PCNX2: variants seen among roughly 807,000 people sequenced by gnomAD.
PCNX2 encodes the protein pecanex 2.
A neutral mutation model predicts 223.8 loss-of-function variants in PCNX2; 168 were observed. That is an observed-to-expected ratio of 0.75 (90% CI 0.66 to 0.85). The LOEUF (loss-of-function observed/expected upper bound fraction) is 0.85, where lower values mean the gene tolerates loss of function less well. PCNX2 is among the 40% of genes least tolerant of loss of function. The pLI, the probability that PCNX2 is intolerant of heterozygous loss-of-function variation, is 0.00. For missense variants in PCNX2, 2,507 were observed against 2,675.5 expected (o/e 0.94, Z 1.39); for synonymous variants, 1,006 against 1,052.6 (o/e 0.96, Z 0.86).
chr1:232,985,889 C>T, intron 33 of PCNX2: 1 of 642,784 alleles, frequency 1.6e-6, no homozygotes, highest in Non-Finnish European at 2.8e-6. Flanking sequence ...TACAGGATAT[C>T]TGCTCTGTAT....
intron 21 of PCNX2, among the ~76,000 whole-genome samples, chr1:233,120,841 AT>A (rs1675738573): frequency 6.6e-6 from 1 of 152,178 alleles, no homozygotes; most frequent in African/African-American, 2.4e-5. Flanking sequence ...AGATTAAAAA[AT>A]AAAAGAAACA....
At chr1:233,170,796 G>A (rs1228756253) in intron 17 of PCNX2, among the ~76,000 whole-genome samples, 2 of 151,992 alleles carry the variant, frequency 1.3e-5, no homozygotes, top group African/African-American at 4.8e-5. Flanking sequence ...CTATTTTTTA[G>A]TTTTCCGTTT....
At chr1:233,213,886 T>G (rs1225019964) in intron 12 of PCNX2, among the ~76,000 whole-genome samples, 1 of 134,016 alleles carries the variant, frequency 7.5e-6, no homozygotes, top group Non-Finnish European at 1.5e-5. Flanking sequence ...TGGAGTGTAG[T>G]GGCGCGATCT....
intron 15 of PCNX2, among the ~76,000 whole-genome samples, chr1:233,187,231 C>T (rs1027350599): frequency 3.9e-5 from 6 of 152,174 alleles, no homozygotes; most frequent in African/African-American, 1.4e-4. Context: ...AATGAGGAAA[C>T]AGGCTTTTAC....
chr1:233,084,246 G>A (rs1221757878), intron 23 of PCNX2, among the ~76,000 whole-genome samples: 3 of 152,120 alleles, frequency 2.0e-5, no homozygotes, highest in Non-Finnish European at 2.9e-5. Context: ...ATGTTCTACC[G>A]CTGCCTCAGT....
At chr1:233,197,968 A>G (rs1030551460) in intron 15 of PCNX2, among the ~76,000 whole-genome samples, 1 of 152,174 alleles carries the variant, frequency 6.6e-6, no homozygotes, top group Non-Finnish European at 1.5e-5. Flanking sequence ...AGAAATATGT[A>G]TAATATTAAT....
At chr1:233,023,546 GA>G (rs1395627662) in intron 26 of PCNX2, among the ~76,000 whole-genome samples, 1 of 152,098 alleles carries the variant, frequency 6.6e-6, no homozygotes, top group Non-Finnish European at 1.5e-5. Context: ...AAGTCCAAGA[GA>G]AATAAGCTTC....
chr1:233,046,881 C>T (rs973327997), intron 25 of PCNX2, among the ~76,000 whole-genome samples: 12 of 152,198 alleles, frequency 7.9e-5, no homozygotes, highest in Non-Finnish European at 1.3e-4. Flanking sequence ...TTTTCTATCA[C>T]CAGAATCTGA....
intron 25 of PCNX2, among the ~76,000 whole-genome samples, chr1:233,036,397 G>A (rs556175123): frequency 6.6e-6 from 1 of 152,094 alleles, no homozygotes; most frequent in Non-Finnish European, 1.5e-5. Context: ...TTGGGAGGCC[G>A]AGGGGGTGGA....
the PCNX2 span, among the ~76,000 whole-genome samples, chr1:233,325,594 C>T: frequency 1.3e-5 from 2 of 151,676 alleles, no homozygotes; most frequent in Non-Finnish European, 2.9e-5. Flanking sequence ...GAGAATGCCG[C>T]GAACCCAGGA....
chr1:232,989,762 A>G (rs1336351970), intron 32 of PCNX2, among the ~76,000 whole-genome samples: 2 of 152,240 alleles, frequency 1.3e-5, no homozygotes, highest in African/African-American at 2.4e-5. Context: ...AGCTTCAGAA[A>G]GTTCGGGGTG....
chr1:233,095,383 G>A (rs2102947828), intron 22 of PCNX2: 1 of 185,442 alleles, frequency 5.4e-6, no homozygotes, highest in Admixed American at 5.5e-5. Context: ...AAAATGTATT[G>A]AATGCATTAA....
chr1:233,213,196 T>A (rs1247880736), intron 12 of PCNX2, among the ~76,000 whole-genome samples: 1 of 152,160 alleles, frequency 6.6e-6, no homozygotes, highest in African/African-American at 2.4e-5. Context: ...TCACCCTATA[T>A]ATTTTTTTAA....
intron 8 of PCNX2, among the ~76,000 whole-genome samples, chr1:233,247,091 CA>C (rs539114579): frequency 9.8e-4 from 149 of 152,354 alleles, no homozygotes; most frequent in African/African-American, 3.1e-3. Context: ...GCCTGTCAGA[CA>C]GCAGTTTAAA....
chr1:233,217,005 A>T (rs559121182), intron 12 of PCNX2, among the ~76,000 whole-genome samples: 1 of 152,308 alleles, frequency 6.6e-6, no homozygotes, highest in African/African-American at 2.4e-5. Context: ...TGTGGAATCT[A>T]AAAAAGTTGA....
At chr1:233,176,907 C>T (rs1441423775) in intron 17 of PCNX2, among the ~76,000 whole-genome samples, 1 of 152,136 alleles carries the variant, frequency 6.6e-6, no homozygotes, top group South Asian at 2.1e-4. Context: ...CCCAGCTACT[C>T]GGGCTGAGGC....
At chr1:233,138,505 C>T (rs1305524932) in intron 20 of PCNX2, among the ~76,000 whole-genome samples, 1 of 152,154 alleles carries the variant, frequency 6.6e-6, no homozygotes, top group Non-Finnish European at 1.5e-5. Flanking sequence ...GAGGCTCTAC[C>T]TTGTTCTCAG....
At chr1:233,322,919 T>G in the PCNX2 span, among the ~76,000 whole-genome samples, 3 of 151,832 alleles carry the variant, frequency 2.0e-5, no homozygotes, top group Non-Finnish European at 2.9e-5. Flanking sequence ...CCGTTCCATC[T>G]TTATAATCAG....
intron 28 of PCNX2, among the ~76,000 whole-genome samples, chr1:233,009,959 T>G (rs985116049): frequency 1.3e-5 from 2 of 152,214 alleles, no homozygotes; most frequent in Non-Finnish European, 1.5e-5. Context: ...TATCATTTTT[T>G]CCCCCTATGC....
Sources: gnomAD v4.1 joint callset for allele counts (sites outside exome capture counted in the v4.1 genomes callset) on GRCh38, gnomAD v4.1.1 for gene constraint, MANE v1.5 for transcripts, NCBI Gene and HGNC (gene_info 2026-07-23, HGNC 2026-07-21) for gene names.